TJP2: variants seen among roughly 807,000 people sequenced by gnomAD.
TJP2 encodes Friedreich ataxia region gene X104 (tight junction protein ZO-2).
TJP2 carries 91 observed loss-of-function variants against 133.1 expected under a neutral mutation model. The observed-to-expected ratio is 0.68, with a 90% CI of 0.58 to 0.81. The LOEUF (loss-of-function observed/expected upper bound fraction) is 0.81, where lower values mean the gene tolerates loss of function less well. TJP2 is among the 40% of genes least tolerant of loss of function. TJP2 has a pLI of 0.00. For missense variants in TJP2, 1,541 were observed against 1,565.6 expected (o/e 0.98, Z 0.26); for synonymous variants, 592 against 583.4 (o/e 1.01, Z -0.21).
chr9:69,247,067 C>A (rs1830978539), intron 18 of TJP2, among the ~76,000 whole-genome samples: 1 of 152,196 alleles, frequency 6.6e-6, no homozygotes, highest in African/African-American at 2.4e-5. Context: ...TCAGAGCTTA[C>A]AAGATCTCAT....
intron 2 of TJP2, among the ~76,000 whole-genome samples, chr9:69,166,108 C>T (rs760243510): frequency 1.2e-4 from 12 of 101,016 alleles, no homozygotes; most frequent in Admixed American, 3.5e-4. Context: ...AATTGCACAG[C>T]TAATTCTTTT....
At chr9:69,155,669 A>G (rs2133363191) in intron 2 of TJP2, among the ~76,000 whole-genome samples, 1 of 152,390 alleles carries the variant, frequency 6.6e-6, no homozygotes, top group South Asian at 2.1e-4. Context: ...CTGTCCTCAA[A>G]TATTTAATGA....
At position 69,225,404 on chromosome 9, in the gene TJP2, C is replaced by T. The variant is rs1056969112; in HGVS notation, c.1053C>T (p.Leu351=). 4.3e-6 allele frequency: 7 copies of T among 1,610,240 alleles called. No individual in the cohort carries two copies. The highest frequency in any genetic ancestry group is 4.0e-5 in the African/African-American group (3 of 74,830). The part of the protein sequence containing the change: ...DGNLHEGDII[L]KINGTVTENM... ...ACCTTCACGAAGGAGACATAATTCT[C>T]AAGGTGGGTAGATGGGGGCAGAGAA... Residue 351 remains leucine (L), a synonymous_variant, in exon 6 of 23, where the codon CTC becomes CTT. Coordinates refer to ENST00000377245, the MANE Select transcript of TJP2 (RefSeq NM_004817.4).
At chr9:69,249,768 A>G in intron 20 of TJP2, 1 of 984,268 alleles carries the variant, frequency 1.0e-6, no homozygotes, top group Non-Finnish European at 1.2e-6. Context: ...AAAGAAAAAG[A>G]TTGAAAAATA....
At position 69,206,779 on chromosome 9, in the gene TJP2, A is replaced by G. The variant is rs1175540133; in HGVS notation, c.61-5769A>G. Among the ~76,000 whole-genome samples the G allele has an allele frequency of 5.9e-5, 9 of 151,808 alleles. No homozygotes were observed. In the South Asian group the frequency reaches 1.5e-3, roughly 24 times the overall value. On this transcript the variant is annotated intron_variant, in intron 1 of 22. Coordinates refer to ENST00000377245, the MANE Select transcript of TJP2 (RefSeq NM_004817.4). ...TTTTTAGTAGAGATGGGGTTTAACC[A>G]TGTTAGTCAGTATGGTCTTGATCTC... is the stretch of plus-strand genomic sequence containing the variant.
chr9:69,203,603 C>G (rs2133140371), intron 1 of TJP2, among the ~76,000 whole-genome samples: 1 of 75,808 alleles, frequency 1.3e-5, no homozygotes, highest in East Asian at 5.6e-4. Context: ...GGTGCCCAGC[C>G]TGGATTTTTT....
chr9:69,237,205 A>T (rs1830252539), intron 14 of TJP2, 69 bp downstream of exon 14: 1 of 1,576,602 alleles, frequency 6.3e-7, no homozygotes, highest in South Asian at 1.1e-5. Flanking sequence ...TTATTTTCAG[A>T]CTGTATGGTC....
intron 5 of TJP2, 108 bp from the exon 6 acceptor site, chr9:69,225,196 A>T (rs1829242566): frequency 1.3e-6 from 1 of 743,208 alleles, no homozygotes; most frequent in South Asian, 1.5e-5. Flanking sequence ...AATTTCCCAT[A>T]TACAAAATTA....
chr9:69,140,655 C>A (rs1822980379), intron 1 of TJP2, among the ~76,000 whole-genome samples: 1 of 152,142 alleles, frequency 6.6e-6, no homozygotes, highest in Admixed American at 6.5e-5. Flanking sequence ...AATGGCCAGG[C>A]CACACTTGTC....
intron 9 of TJP2, among the ~76,000 whole-genome samples, chr9:69,228,823 A>T (rs989468311): frequency 2.0e-5 from 3 of 152,028 alleles, no homozygotes; most frequent in African/African-American, 7.2e-5. Context: ...CTTGATCCTG[A>T]CCTCTTCCCC....
At chr9:69,186,256 A>G (rs1286712369) in intron 1 of TJP2, among the ~76,000 whole-genome samples, 1 of 152,180 alleles carries the variant, frequency 6.6e-6, no homozygotes, top group Admixed American at 6.5e-5. Flanking sequence ...TTACTGCCCT[A>G]AGGTAATTTG....
intron 17 of TJP2, among the ~76,000 whole-genome samples, chr9:69,242,609 G>T (rs1456782109): frequency 2.0e-5 from 3 of 152,186 alleles, no homozygotes; most frequent in Non-Finnish European, 4.4e-5. Flanking sequence ...CAGGATAGAT[G>T]GTGCAGGGTG....
At chr9:69,229,573 G>A (rs953340822) in intron 10 of TJP2, among the ~76,000 whole-genome samples, 14 of 152,126 alleles carry the variant, frequency 9.2e-5, no homozygotes, top group Admixed American at 5.9e-4. Context: ...GCTAAACTAC[G>A]GTGCCCTGTG....
chr9:69,220,126 C>T (rs575081142), intron 4 of TJP2, among the ~76,000 whole-genome samples: 58 of 152,030 alleles, frequency 3.8e-4, no homozygotes, highest in African/African-American at 1.3e-3. Context: ...GGCAACAGAG[C>T]GAGACTTTGT....
intron 2 of TJP2, among the ~76,000 whole-genome samples, chr9:69,163,943 A>G: frequency 6.6e-6 from 1 of 152,148 alleles, no homozygotes; most frequent in Non-Finnish European, 1.5e-5. Flanking sequence ...GTCAGATCCC[A>G]ACGCCCTTCT....
At chr9:69,178,293 TTA>T (rs1182782403) in intron 1 of TJP2, among the ~76,000 whole-genome samples, 2 of 152,316 alleles carry the variant, frequency 1.3e-5, no homozygotes, top group East Asian at 3.8e-4. Flanking sequence ...TGCATGAATA[TTA>T]TATGTTAGGA....
chr9:69,205,269 C>T (rs1827310746), intron 1 of TJP2: 3 of 1,537,118 alleles, frequency 2.0e-6, no homozygotes, highest in Non-Finnish European at 1.7e-6. Flanking sequence ...TTGTTTTCCC[C>T]AACCTTTCTT....
At chr9:69,139,150 G>A (rs1822905620) in intron 1 of TJP2, among the ~76,000 whole-genome samples, 1 of 152,060 alleles carries the variant, frequency 6.6e-6, no homozygotes, top group African/African-American at 2.4e-5. Flanking sequence ...CCTGGAGGCG[G>A]AGGTTGCAGT....
rs1830169017 is a variant in TJP2, at chr9:69,236,116, G to C, written c.1869G>C (p.Leu623=). The C allele has an allele frequency of 6.2e-7, 1 of 1,614,062 alleles. No individual in the cohort carries two copies. The highest frequency in any genetic ancestry group is 8.5e-7 in the Non-Finnish European group (1 of 1,180,040). ...GTGAGAAGGAAACTCCACAGAGCCT[G>C]GCCTTCACCAGAGGGGAGGTCTTCC... The part of the protein sequence containing the change: ...FECEKETPQS[L]AFTRGEVFRV... Residue 623 remains leucine (L), a synonymous_variant, in exon 13 of 23, where the codon CTG becomes CTC. Coordinates refer to ENST00000377245, the MANE Select transcript of TJP2 (RefSeq NM_004817.4).
Sources: allele counts gnomAD v4.1 joint callset (sites outside exome capture counted in the v4.1 genomes callset), GRCh38; gene constraint gnomAD v4.1.1; transcripts MANE v1.5; gene names NCBI Gene and HGNC (gene_info 2026-07-23, HGNC 2026-07-21).